Variants in EXOC4 observed in about 807,000 individuals in gnomAD.
The protein encoded by EXOC4 is SEC8-like 1.
Under a neutral mutation model 107.2 loss-of-function variants are expected in EXOC4, and 71 were observed. That is an observed-to-expected ratio of 0.66 (90% CI 0.55 to 0.81). EXOC4 has a LOEUF of 0.81. Among genes scored for constraint, EXOC4 ranks in the 30% least tolerant of loss-of-function variants. The probability of loss-of-function intolerance (pLI) is 0.00; values close to 1 mark genes in which losing one functional copy is unlikely to be tolerated. For missense variants in EXOC4, 1,108 were observed against 1,189.6 expected (o/e 0.93, Z 1.01); for synonymous variants, 456 against 441.2 (o/e 1.03, Z -0.42).
intron 16 of EXOC4, among the ~76,000 whole-genome samples, chr7:134,006,379 T>C (rs923883643): frequency 1.3e-5 from 2 of 152,076 alleles, no homozygotes; most frequent in African/African-American, 4.8e-5. Context: ...TACAGAGATT[T>C]TTCATATAAA....
intron 11 of EXOC4, among the ~76,000 whole-genome samples, chr7:133,871,200 C>T (rs1365274162): frequency 6.6e-6 from 1 of 151,902 alleles, no homozygotes; most frequent in Non-Finnish European, 1.5e-5. Flanking sequence ...TACCTTATTA[C>T]TGTTTGTGTT....
rs143514690 is a variant in EXOC4 at position 133,262,631 on chromosome 7, A to G, written c.86+9444A>G. ...GTGCTGAATATTATGGGAGAATTAT[A>G]CTAAAAATATCACTTGAGAGCTTGT... On this transcript the variant is annotated intron_variant, in intron 1 of 17. Coordinates refer to ENST00000253861, the MANE Select transcript of EXOC4 (RefSeq NM_021807.4). Among the ~76,000 whole-genome samples the G allele has an allele frequency of 7.0e-3, 1,069 of 152,266 alleles. 14 individuals are homozygous for G. Among genetic ancestry groups the G allele is most frequent in the African/African-American group, 0.024 (1,017 of 41,540 alleles).
At chr7:133,357,514 GGAAATTGAATTCAGATTCTA>G (rs1304998182) in intron 6 of EXOC4, among the ~76,000 whole-genome samples, 38 of 152,164 alleles carry the variant, frequency 2.5e-4, no homozygotes, top group Non-Finnish European at 4.3e-4. Flanking sequence ...TGGAGAGTAC[GGAAATTGAATTCAGATTCTA>G]ACTTTGTGAC....
intron 9 of EXOC4, among the ~76,000 whole-genome samples, chr7:133,515,401 A>G (rs895733915): frequency 6.6e-6 from 1 of 152,120 alleles, no homozygotes; most frequent in Admixed American, 6.5e-5. Flanking sequence ...ACATATATAC[A>G]TATATATACA....
Position 133,587,728 on chromosome 7 carries a change from AAAG to A in EXOC4, c.1418-42311_1418-42309del, listed in dbSNP as rs151144624. ...ATACCAGGCAGGAAATTGGAATTAG[AAAG>A]AAGAACTCAGGATGTGAAACTCTCA... On this transcript the variant is annotated intron_variant, in intron 9 of 17. Transcript: ENST00000253861. Among the ~76,000 whole-genome samples the A allele has an allele frequency of 7.4e-4, 113 of 152,314 alleles. 1 individual carries two copies. The East Asian group carries it at 0.02, about 28-fold the overall frequency.
chr7:133,895,464 G>A, intron 11 of EXOC4, 135 bp from the exon 12 acceptor site: 4 of 909,356 alleles, frequency 4.4e-6, no homozygotes, highest in Non-Finnish European at 6.8e-6. Context: ...CCTGTTTTGA[G>A]TTCATATTTC....
At chr7:133,452,238 T>C (rs1798364735) in intron 7 of EXOC4, among the ~76,000 whole-genome samples, 1 of 152,138 alleles carries the variant, frequency 6.6e-6, no homozygotes, top group Admixed American at 6.5e-5. Flanking sequence ...TACAGCAGCA[T>C]TATTAGTAAA....
intron 9 of EXOC4, among the ~76,000 whole-genome samples, chr7:133,491,640 G>T (rs1300812185): frequency 1.3e-5 from 2 of 151,938 alleles, no homozygotes; most frequent in African/African-American, 4.8e-5. Context: ...TATATTCTGG[G>T]GCCTGTTCCT....
intron 10 of EXOC4, among the ~76,000 whole-genome samples, chr7:133,687,537 T>C (rs1414182733): frequency 6.6e-6 from 1 of 152,206 alleles, no homozygotes; most frequent in Non-Finnish European, 1.5e-5. Flanking sequence ...TAGTTCCCGT[T>C]TTCTTTACAG....
At chr7:133,676,876 GTT>G (rs949436284) in intron 10 of EXOC4, among the ~76,000 whole-genome samples, 15 of 150,596 alleles carry the variant, frequency 1.0e-4, no homozygotes, top group Non-Finnish European at 1.8e-4. Context: ...TATTCAAAAA[GTT>G]ATATTCATTT....
chr7:133,290,373 T>C (rs1433433500), intron 3 of EXOC4, among the ~76,000 whole-genome samples: 1 of 152,212 alleles, frequency 6.6e-6, no homozygotes, highest in Non-Finnish European at 1.5e-5. Context: ...CAGCATCTTA[T>C]TCAAAGTGGC....
intron 11 of EXOC4, among the ~76,000 whole-genome samples, chr7:133,864,780 A>T (rs944775847): frequency 6.6e-6 from 1 of 152,190 alleles, no homozygotes; most frequent in Non-Finnish European, 1.5e-5. Flanking sequence ...TAATGGTAAG[A>T]AGTGAAAAAA....
the EXOC4 span, among the ~76,000 whole-genome samples, chr7:134,092,798 C>T: frequency 6.6e-6 from 1 of 151,824 alleles, no homozygotes; most frequent in Non-Finnish European, 1.5e-5. Context: ...TGGTACAAGC[C>T]TGTAATCCCA....
At chr7:133,876,683 C>G (rs56011565) in intron 11 of EXOC4, among the ~76,000 whole-genome samples, 15,475 of 152,106 alleles carry the variant, frequency 0.1, 932 homozygotes, top group Middle Eastern at 0.14. Flanking sequence ...AGTGTGTCTG[C>G]CAAGTCTTCA....
intron 9 of EXOC4, among the ~76,000 whole-genome samples, chr7:133,611,727 A>G (rs1219538007): frequency 1.3e-5 from 2 of 152,162 alleles, no homozygotes; most frequent in Middle Eastern, 6.8e-3. Flanking sequence ...TCTGTGTGTC[A>G]TTTCCATGAA....
At chr7:134,070,399 A>T (rs1796257565), downstream of EXOC4, among the ~76,000 whole-genome samples, 1 of 152,240 alleles carries the variant, frequency 6.6e-6, no homozygotes, top group Non-Finnish European at 1.5e-5. Flanking sequence ...GATGCACACC[A>T]CAGGTTTACA....
At position 133,322,312 on chromosome 7, in the gene EXOC4, T is replaced by C. The variant is rs1269889220; in HGVS notation, c.763+4922T>C. On this transcript the variant is annotated intron_variant, in intron 5 of 17. Transcript: ENST00000253861. The stretch of plus-strand genomic sequence containing the variant: ...TTGCCCATTCCTATGTCCTGAATGG[T>C]ATTGCCCAGGTTTTCTTCTAGGGTT... 2.0e-5 allele frequency among the ~76,000 whole-genome samples: 3 copies of C among 152,350 alleles called. No homozygotes were observed. The East Asian group carries it at 5.8e-4, about 29-fold the overall frequency.
At chr7:133,278,926 G>A (rs915095248) in intron 2 of EXOC4, among the ~76,000 whole-genome samples, 4 of 151,872 alleles carry the variant, frequency 2.6e-5, no homozygotes, top group South Asian at 4.2e-4. Context: ...CCATTAACTC[G>A]TCATTTAGCA....
intron 10 of EXOC4, among the ~76,000 whole-genome samples, chr7:133,712,061 C>T (rs995925668): frequency 6.6e-6 from 1 of 152,054 alleles, no homozygotes; most frequent in African/African-American, 2.4e-5. Context: ...GACTGAAGTA[C>T]CACAGTAAGG....
Sources: gnomAD v4.1 joint callset for allele counts (sites outside exome capture counted in the v4.1 genomes callset) on GRCh38, gnomAD v4.1.1 for gene constraint, MANE v1.5 for transcripts, NCBI Gene and HGNC (gene_info 2026-07-23, HGNC 2026-07-21) for gene names.